GPC5: variants seen among roughly 807,000 people sequenced by gnomAD.
The protein encoded by GPC5 is glypican 5, also known as glypican-5.
Under a neutral mutation model 53.9 loss-of-function variants are expected in GPC5, and 47 were observed. The ratio of observed to expected loss-of-function variants is 0.87; its 90% confidence interval spans 0.69 to 1.11. The LOEUF (loss-of-function observed/expected upper bound fraction) is 1.11, where lower values mean the gene tolerates loss of function less well. Ranked by LOEUF, GPC5 falls within the 50% of genes most tolerant of loss-of-function variation. The pLI is 0.00. For missense variants in GPC5, 748 were observed against 713.1 expected (o/e 1.05, Z -0.56); for synonymous variants, 286 against 263.3 (o/e 1.09, Z -0.84).
At chr13:92,109,976 G>A (rs2041543804) in intron 6 of GPC5, among the ~76,000 whole-genome samples, 1 of 152,042 alleles carries the variant, frequency 6.6e-6, no homozygotes, top group South Asian at 2.1e-4. Flanking sequence ...AGGAAGCAGA[G>A]AAATGATAAA....
chr13:92,042,978 A>G (rs1380293437), intron 6 of GPC5, among the ~76,000 whole-genome samples: 1 of 152,192 alleles, frequency 6.6e-6, no homozygotes, highest in African/African-American at 2.4e-5. Flanking sequence ...AGATATGAAA[A>G]CTTCAGTAGA....
intron 7 of GPC5, among the ~76,000 whole-genome samples, chr13:92,381,323 A>G (rs2043737074): frequency 6.6e-6 from 1 of 152,160 alleles, no homozygotes; most frequent in Non-Finnish European, 1.5e-5. Flanking sequence ...TGATAGTGAC[A>G]TTGGTTGTAT....
At chr13:91,465,094 T>A (rs1423368881) in intron 2 of GPC5, among the ~76,000 whole-genome samples, 1 of 152,168 alleles carries the variant, frequency 6.6e-6, no homozygotes, top group Non-Finnish European at 1.5e-5. Flanking sequence ...CTGTCTCAGC[T>A]CTCAAGTTAC....
chr13:92,524,518 A>T (rs1881200818), intron 7 of GPC5, among the ~76,000 whole-genome samples: 1 of 152,126 alleles, frequency 6.6e-6, no homozygotes, highest in Non-Finnish European at 1.5e-5. Context: ...CAAAAGGCCA[A>T]CTGCTACTGA....
intron 2 of GPC5, among the ~76,000 whole-genome samples, chr13:91,522,181 C>T (rs1036045312): frequency 6.6e-6 from 1 of 152,150 alleles, no homozygotes; most frequent in Non-Finnish European, 1.5e-5. Context: ...AACCTTTGGC[C>T]ATTCATGATC....
At chr13:92,409,286 A>G (rs974113348) in intron 7 of GPC5, among the ~76,000 whole-genome samples, 1 of 151,956 alleles carries the variant, frequency 6.6e-6, no homozygotes, top group Non-Finnish European at 1.5e-5. Context: ...CTAAAATATA[A>G]TTATAAAAAT....
chr13:92,783,454 T>C (rs1405693445), intron 7 of GPC5, among the ~76,000 whole-genome samples: 1 of 152,178 alleles, frequency 6.6e-6, no homozygotes, highest in African/African-American at 2.4e-5. Flanking sequence ...GATTCACTAG[T>C]CTGGAAATCC....
chr13:91,585,217 G>C (rs2032517598), intron 2 of GPC5, among the ~76,000 whole-genome samples: 1 of 152,124 alleles, frequency 6.6e-6, no homozygotes. Context: ...ACATAGATTA[G>C]CACCATCATT....
At chr13:92,608,289 T>C (rs112784689) in intron 7 of GPC5, among the ~76,000 whole-genome samples, 12,916 of 152,238 alleles carry the variant, frequency 0.085, 1,691 homozygotes, top group African/African-American at 0.28. Context: ...CTGTTAATTG[T>C]GCACAGTCCT....
chr13:91,607,619 G>A (rs1447716698), intron 2 of GPC5, among the ~76,000 whole-genome samples: 1 of 152,168 alleles, frequency 6.6e-6, no homozygotes, highest in Non-Finnish European at 1.5e-5. Flanking sequence ...AAAGGTTTTA[G>A]TAGAAAGCAG....
At chr13:91,515,236 TA>T (rs1885434354) in intron 2 of GPC5, among the ~76,000 whole-genome samples, 1 of 152,188 alleles carries the variant, frequency 6.6e-6, no homozygotes, top group Non-Finnish European at 1.5e-5. Flanking sequence ...AATTTGACCT[TA>T]AACAATCTAC....
chr13:92,161,921 AAAT>A (rs1408603396), intron 7 of GPC5, among the ~76,000 whole-genome samples: 1 of 145,244 alleles, frequency 6.9e-6, no homozygotes, highest in East Asian at 2.0e-4. Flanking sequence ...TTAAGAATAT[AAAT>A]AATTATATTT....
chr13:92,543,182 T>C (rs781653837), intron 7 of GPC5, among the ~76,000 whole-genome samples: 4 of 152,084 alleles, frequency 2.6e-5, no homozygotes, highest in Non-Finnish European at 4.4e-5. Context: ...AAATTCATTT[T>C]CTCTATTTGT....
chr13:91,441,867 G>A (rs1031255865), intron 1 of GPC5, among the ~76,000 whole-genome samples: 4 of 152,122 alleles, frequency 2.6e-5, no homozygotes, highest in Non-Finnish European at 1.5e-5. Context: ...TTCATCTGGT[G>A]AGCATTTGGT....
chr13:91,658,953 A>G (rs2034916769), intron 2 of GPC5, among the ~76,000 whole-genome samples: 1 of 152,168 alleles, frequency 6.6e-6, no homozygotes, highest in South Asian at 2.1e-4. Flanking sequence ...TTTTAGTGTT[A>G]TCAGGCTATT....
At chr13:91,807,508 A>G (rs1389272255) in intron 5 of GPC5, among the ~76,000 whole-genome samples, 1 of 152,188 alleles carries the variant, frequency 6.6e-6, no homozygotes, top group Admixed American at 6.5e-5. Context: ...TTGAAAAATA[A>G]CTTGAGAAGT....
intron 7 of GPC5, among the ~76,000 whole-genome samples, chr13:92,357,977 C>T (rs1413650045): frequency 6.6e-6 from 1 of 151,528 alleles, no homozygotes; most frequent in Non-Finnish European, 1.5e-5. Context: ...CTCAACAGTC[C>T]CCTGAGTTTT....
chr13:92,002,280 G>A (rs543163963), intron 6 of GPC5, among the ~76,000 whole-genome samples: 23 of 152,266 alleles, frequency 1.5e-4, no homozygotes, highest in African/African-American at 3.9e-4. Context: ...TACAAAAAGC[G>A]TATTAACTGT....
At chr13:91,571,881 A>ACATACGTGTGTGTGTG (rs2031847258) in intron 2 of GPC5, among the ~76,000 whole-genome samples, 1 of 103,210 alleles carries the variant, frequency 9.7e-6, no homozygotes, top group East Asian at 2.6e-4. Flanking sequence ...ATATACACAC[A>ACATACGTGTGTGTGTG]TATACGTGTG....
Sources: allele counts gnomAD v4.1 joint callset (sites outside exome capture counted in the v4.1 genomes callset), GRCh38; gene constraint gnomAD v4.1.1; transcripts MANE v1.5; gene names NCBI Gene and HGNC (gene_info 2026-07-23, HGNC 2026-07-21).